The following WIPF1 variants were observed in gnomAD, a reference collection of about 807,000 sequenced individuals.
WIPF1 encodes WAS/WASL-interacting protein family member 1.
A neutral mutation model predicts 35.4 loss-of-function variants in WIPF1; 13 were observed. The ratio of observed to expected loss-of-function variants is 0.37; its 90% CI spans 0.24 to 0.58. The LOEUF is 0.58. Among genes scored for constraint, WIPF1 ranks in the 20% least tolerant of loss-of-function variants. The pLI, the probability that WIPF1 is intolerant of heterozygous loss-of-function variation, is 0.74. For missense variants in WIPF1, 591 were observed against 667.0 expected, an observed-to-expected ratio of 0.89 and a Z score of 1.25; for synonymous variants, 267 against 266.3, an observed-to-expected ratio of 1.00 and a Z score of -0.02.
At chr2:174,625,126 G>A (rs1574844296) in intron 1 of WIPF1, among the ~76,000 whole-genome samples, 1 of 152,312 alleles carries the variant, frequency 6.6e-6, no homozygotes, top group Non-Finnish European at 1.5e-5. Context: ...GACAGCTGCT[G>A]CCGGCTGGCA....
intron 1 of WIPF1, among the ~76,000 whole-genome samples, chr2:174,593,695 T>C (rs990382248): frequency 6.6e-6 from 1 of 152,252 alleles, no homozygotes; most frequent in Non-Finnish European, 1.5e-5. Context: ...AGTCATCCTG[T>C]TTCTTTAACA....
At chr2:174,562,716 G>C in intron 7 of WIPF1, 114 bp from the exon 8 acceptor site, 1 of 1,362,228 alleles carries the variant, frequency 7.3e-7, no homozygotes, top group Non-Finnish European at 1.0e-6. Context: ...GACCAGGGCT[G>C]TCAGCTAACT....
At chr2:174,629,638 G>A (rs908925935) in intron 1 of WIPF1, 2 of 149,222 alleles carry the variant, frequency 1.3e-5, no homozygotes, top group African/African-American at 2.6e-5. Flanking sequence ...TGTTCACTTA[G>A]TTAGATGACT....
intron 1 of WIPF1, among the ~76,000 whole-genome samples, chr2:174,591,488 G>A (rs537326461): frequency 6.6e-6 from 1 of 152,240 alleles, no homozygotes; most frequent in South Asian, 2.1e-4. Flanking sequence ...ACTGCCAAAG[G>A]TTTATTTAAT....
At chr2:174,626,769 C>T (rs1043554782) in intron 1 of WIPF1, among the ~76,000 whole-genome samples, 13 of 152,228 alleles carry the variant, frequency 8.5e-5, no homozygotes, top group African/African-American at 2.9e-4. Context: ...TTGTCCATGG[C>T]ACCAGCATGT....
chr2:174,613,987 A>G (rs1686431739), intron 1 of WIPF1, among the ~76,000 whole-genome samples: 1 of 152,218 alleles, frequency 6.6e-6, no homozygotes, highest in Admixed American at 6.5e-5. Context: ...CTATTTAAAA[A>G]AGCTGCACTG....
intron 1 of WIPF1, among the ~76,000 whole-genome samples, chr2:174,614,274 C>T (rs1461628797): frequency 6.6e-6 from 1 of 152,200 alleles, no homozygotes; most frequent in Non-Finnish European, 1.5e-5. Context: ...TCTCCAAATC[C>T]TCCACTGCAG....
At chr2:174,573,326 T>C (rs1315908489) in intron 4 of WIPF1, among the ~76,000 whole-genome samples, 1 of 151,712 alleles carries the variant, frequency 6.6e-6, no homozygotes, top group African/African-American at 2.4e-5. Context: ...CCAAATAATT[T>C]TGAGCACTTG....
At chr2:174,599,792 A>ACTCACTCT (rs1553530478), upstream of WIPF1, among the ~76,000 whole-genome samples, 1 of 148,666 alleles carries the variant, frequency 6.7e-6, no homozygotes, top group Admixed American at 6.7e-5. Flanking sequence ...ACACACACAC[A>ACTCACTCT]CTCTCTCTCT....
intron 1 of WIPF1, among the ~76,000 whole-genome samples, chr2:174,650,812 T>C (rs1416781453): frequency 6.6e-6 from 1 of 152,226 alleles, no homozygotes; most frequent in East Asian, 1.9e-4. Context: ...CAGTGAGGAA[T>C]GCCCAGGCAG....
At chr2:174,569,174 G>A (rs945727539) in intron 5 of WIPF1, among the ~76,000 whole-genome samples, 1 of 152,136 alleles carries the variant, frequency 6.6e-6, no homozygotes, top group Admixed American at 6.5e-5. Context: ...TATCTTATTA[G>A]CTATAGATTC....
At chr2:174,613,279 C>T (rs1280060640) in intron 1 of WIPF1, among the ~76,000 whole-genome samples, 1 of 152,226 alleles carries the variant, frequency 6.6e-6, no homozygotes, top group Non-Finnish European at 1.5e-5. Flanking sequence ...ACTCAAGCTT[C>T]TCTCATTTTT....
intron 1 of WIPF1, among the ~76,000 whole-genome samples, chr2:174,657,723 T>A (rs1254429901): frequency 6.6e-6 from 1 of 151,766 alleles, no homozygotes; most frequent in Non-Finnish European, 1.5e-5. Flanking sequence ...TGAAACCCCA[T>A]CTCTACTAAA....
intron 1 of WIPF1, among the ~76,000 whole-genome samples, chr2:174,608,822 T>G (rs146368290): frequency 3.9e-5 from 6 of 152,370 alleles, no homozygotes; most frequent in Admixed American, 2.0e-4. Context: ...GTAGCCATAT[T>G]GTTCCTTATT....
intron 1 of WIPF1, among the ~76,000 whole-genome samples, chr2:174,680,027 C>T (rs761568267): frequency 2.0e-5 from 3 of 152,208 alleles, no homozygotes; most frequent in Non-Finnish European, 2.9e-5. Flanking sequence ...AGTGGACAAA[C>T]GAATGAAGGA....
intron 1 of WIPF1, among the ~76,000 whole-genome samples, chr2:174,652,823 T>C (rs983440319): frequency 6.6e-6 from 1 of 151,910 alleles, no homozygotes; most frequent in Admixed American, 6.6e-5. Context: ...AAAAACTTCA[T>C]TTTCCAAAAC....
At chr2:174,592,388 A>G (rs896092428) in intron 1 of WIPF1, among the ~76,000 whole-genome samples, 2 of 152,172 alleles carry the variant, frequency 1.3e-5, no homozygotes, top group Non-Finnish European at 2.9e-5. Flanking sequence ...ATTTTGCTCT[A>G]TAAATGTTGC....
At chr2:174,640,549 CAA>C (rs1687275818) in intron 1 of WIPF1, among the ~76,000 whole-genome samples, 1 of 151,274 alleles carries the variant, frequency 6.6e-6, no homozygotes, top group African/African-American at 2.4e-5. Context: ...GAAGAGGACA[CAA>C]ATATATGAAA....
chr2:174,678,081 A>T (rs1366960691), intron 1 of WIPF1, among the ~76,000 whole-genome samples: 2 of 152,324 alleles, frequency 1.3e-5, no homozygotes, highest in East Asian at 3.9e-4. Flanking sequence ...ACAGAAAGGG[A>T]AAGAGGGAGA....
Sources: gnomAD v4.1 joint callset for allele counts (sites outside exome capture counted in the v4.1 genomes callset) on GRCh38, gnomAD v4.1.1 for gene constraint, MANE v1.5 for transcripts, NCBI Gene and HGNC (gene_info 2026-07-23, HGNC 2026-07-21) for gene names.